Variants in SLC6A3 observed in about 807,000 individuals in gnomAD.
The protein encoded by SLC6A3 is solute carrier family 6 member 3, also known as sodium-dependent dopamine transporter.
In SLC6A3, 19 loss-of-function variants were observed where a neutral mutation model predicts 70.4. That is an observed-to-expected ratio of 0.27 (90% confidence interval 0.19 to 0.40). The LOEUF (loss-of-function observed/expected upper bound fraction) is 0.40, where lower values mean the gene tolerates loss of function less well. SLC6A3 is among the 10% of genes least tolerant of loss of function. The probability of loss-of-function intolerance (pLI) is 1.00; values close to 1 mark genes in which losing one functional copy is unlikely to be tolerated. For synonymous variants in SLC6A3, 368 were observed against 356.6 expected (o/e 1.03, Z -0.36); for missense variants, 613 against 838.5 (o/e 0.73, Z 3.32).
At position 1,442,782 on chromosome 5, in the gene SLC6A3, A is replaced by C; in HGVS notation, c.286+130T>G. The C allele has an allele frequency of 1.1e-6, 1 of 922,714 alleles. No individual in the cohort carries two copies. The highest frequency in any genetic ancestry group is 1.3e-5 in the South Asian group (1 of 74,748). The allele number at this position is 922,714 out of a possible 1,614,324, so 57.2% of individuals were successfully genotyped here. A position where few individuals can be genotyped will look rare whatever the true frequency, so the allele number is the denominator to read the frequency against. On this transcript the variant is annotated intron_variant, in intron 2 of 14. Transcript: ENST00000270349. The surrounding 1 kb of genome is among the most constrained non-coding windows in gnomAD (Gnocchi z 5.0). The stretch of plus-strand genomic sequence containing the variant: ...TCTGGGAGGATCTGCACCGGCCGTG[A>C]GCTCTCACAGGGAGCTCCGTCTTCA...
intron 1 of SLC6A3, among the ~76,000 whole-genome samples, chr5:1,443,859 TTG>T (rs1733739434): frequency 2.1e-5 from 3 of 143,982 alleles, no homozygotes; most frequent in East Asian, 2.0e-4. Context: ...TGTTTTTTTG[TTG>T]TTGTTGTTGT....
At chr5:1,409,978 C>A (rs895830479) in intron 9 of SLC6A3, 129 bp from the exon 10 acceptor site, 10 of 1,202,112 alleles carry the variant, frequency 8.3e-6, no homozygotes, top group African/African-American at 1.5e-5. Flanking sequence ...ACATGGCCGT[C>A]CAGGGTGCAG....
chr5:1,433,020 C>G (rs957524420), intron 3 of SLC6A3, among the ~76,000 whole-genome samples: 2 of 151,876 alleles, frequency 1.3e-5, no homozygotes, highest in South Asian at 4.2e-4. Context: ...CCAGGGCCAC[C>G]CTTATGCACC....
chr5:1,420,639 G>T lies in SLC6A3; in HGVS notation c.857C>A (p.Thr286Asn). 6.2e-7 allele frequency: 1 copy of T among 1,613,714 alleles called. No homozygotes were observed. The highest frequency in any genetic ancestry group is 8.5e-7 in the Non-Finnish European group (1 of 1,179,996). ...GATGCCGTCTATGGCTCCAGGGAGG[G>T]TGACCCCACGCAGGAGCAGGGCAGT... ...VLTALLLRGV[T>N]LPGAIDGIRA... The change falls in exon 6 of 15, where the codon ACC becomes AAC. Residue 286 changes from threonine (T) to asparagine (N), a missense_variant. By Grantham distance (65) the Thr-to-Asn change is moderately conservative. Transcript: ENST00000270349.
At chr5:1,432,397 A>T (rs1756724056) in intron 4 of SLC6A3, 67 bp downstream of exon 4, 1 of 1,244,280 alleles carries the variant, frequency 8.0e-7, no homozygotes, top group Non-Finnish European at 1.2e-6. Context: ...GTGTCCAACC[A>T]AGGGGCTACC....
chr5:1,409,627 G>C lies in SLC6A3; in HGVS notation c.1398+94C>G. Reference sequence around the variant, plus strand: ...TTCGCAGCTCCCTGGAAGTGCTGCGGTTCTGTCTGGCCTGACAGTCCCAGC... The same window carrying C: ...TTCGCAGCTCCCTGGAAGTGCTGCGCTTCTGTCTGGCCTGACAGTCCCAGC... On this transcript the variant is annotated intron_variant, in intron 10 of 14. Transcript: ENST00000270349. The C allele has an allele frequency of 5.4e-6, 8 of 1,476,382 alleles. 1 individual carries two copies. The Middle Eastern group carries it at 1.2e-3, about 224-fold the overall frequency. 91.5% of individuals were successfully genotyped at this position (1,476,382 alleles called of 1,614,324 possible). A position where few individuals can be genotyped will look rare whatever the true frequency, so the allele number is the denominator to read the frequency against.
At position 1,422,685 on chromosome 5, in the gene SLC6A3, G is replaced by C. The variant is rs183752619; in HGVS notation, c.654-671C>G. On this transcript the variant is annotated intron_variant, in intron 4 of 14. Coordinates refer to ENST00000270349, the MANE Select transcript of SLC6A3 (RefSeq NM_001044.5). Reference sequence around the variant, plus strand: ...CCACCGCTGCCCAGTGCTGCCCATGGTGCTGGGTGCCCACCACTGCCCACA... The same window carrying C: ...CCACCGCTGCCCAGTGCTGCCCATGCTGCTGGGTGCCCACCACTGCCCACA... 3.4e-4 allele frequency among the ~76,000 whole-genome samples: 12 copies of C among 35,360 alleles called. 3 individuals are homozygous for C. Among genetic ancestry groups the C allele is most frequent in the African/African-American group, 1.4e-3 (8 of 5,920 alleles). The allele number at this position is 35,360 out of a possible 152,430, so 23.2% of individuals were successfully genotyped here.
At chr5:1,419,552 A>T (rs542924861) in intron 6 of SLC6A3, among the ~76,000 whole-genome samples, 14 of 152,284 alleles carry the variant, frequency 9.2e-5, no homozygotes, top group African/African-American at 3.4e-4. Flanking sequence ...GTAACATGCC[A>T]TGGTCCTGCA....
In SLC6A3 at chr5:1,406,319, T is replaced by A. The variant is rs1755977611; in HGVS notation, c.1499-31A>T. 6.4e-7 allele frequency: 1 copy of A among 1,572,724 alleles called. No homozygotes were observed. The highest frequency in any genetic ancestry group is 8.7e-7 in the Non-Finnish European group (1 of 1,143,384). On this transcript the variant is annotated intron_variant, in intron 11 of 14. Transcript: ENST00000270349. The surrounding 1 kb of genome is among the most constrained non-coding windows in gnomAD (Gnocchi z 8.8). ...GGAGAAGAGGTGGCATCAGTGTCCA[T>A]CAGGGCAGCGCATTCCCCCGATGCT...
Position 1,421,087 on chromosome 5 carries a change from G to T in SLC6A3, c.793-384C>A, listed in dbSNP as rs980625598. On this transcript the variant is annotated intron_variant, in intron 5 of 14. Transcript: ENST00000270349. The surrounding 1 kb of genome is among the most constrained non-coding windows in gnomAD (Gnocchi z 7.2). ...GCTCTGGGCTGTGTCCCTGCGGGAG[G>T]CTCCCGTGGCTGGTGCCATACTACA... is the stretch of plus-strand genomic sequence containing the variant. Among the ~76,000 whole-genome samples, 1 of 152,142 alleles carries T rather than the reference G, an allele frequency of 6.6e-6. No individual in the cohort carries two copies.
At chr5:1,444,262 TGAGCAGGA>T (rs1472666957) in intron 1 of SLC6A3, among the ~76,000 whole-genome samples, 1 of 152,062 alleles carries the variant, frequency 6.6e-6, no homozygotes, top group Admixed American at 6.5e-5. Flanking sequence ...CCTGCAACGC[TGAGCAGGA>T]GAGCAGGAGC....
In SLC6A3 at chr5:1,411,409, C is replaced by T; in HGVS notation, c.1157-54G>A. 2 of 1,315,182 alleles carry T rather than the reference C, an allele frequency of 1.5e-6. No homozygotes were observed. The highest frequency in any genetic ancestry group is 2.3e-4 in the Middle Eastern group (1 of 4,370). The allele number at this position is 1,315,182 out of a possible 1,614,324, so 81.5% of individuals were successfully genotyped here. On this transcript the variant is annotated intron_variant, in intron 8 of 14. Transcript: ENST00000270349. The surrounding 1 kb of genome is among the most constrained non-coding windows in gnomAD (Gnocchi z 6.5). ...AGAGCCCACGCTGTGCTCTCCCGCC[C>T]ATCCTGCCCCACCCCGCCCCGAGAA...
chr5:1,406,988 C>T lies in SLC6A3; in HGVS notation c.1499-700G>A, dbSNP rs542865954. ...TCAGCATTCCCTTTTGTTTTAAGGC[C>T]GAATCATATTCCGTCATGAGTATAC... is the stretch of plus-strand genomic sequence containing the variant. On this transcript the variant is annotated intron_variant, in intron 11 of 14. Transcript: ENST00000270349. The surrounding 1 kb of genome is among the most constrained non-coding windows in gnomAD (Gnocchi z 8.8). Among the ~76,000 whole-genome samples, 6 of 152,240 alleles carry T rather than the reference C, an allele frequency of 3.9e-5. No homozygotes were observed. The highest frequency in any genetic ancestry group is 1.9e-4 in the East Asian group (1 of 5,180).
Position 1,401,383 on chromosome 5 carries a change from T to G in SLC6A3, c.1768-397A>C, listed in dbSNP as rs912603861. 2.3e-6 allele frequency: 1 copy of G among 435,982 alleles called. No homozygotes were observed. Among genetic ancestry groups the G allele is most frequent in the Non-Finnish European group, 4.5e-6 (1 of 222,770 alleles). 27.0% of individuals were successfully genotyped at this position (435,982 alleles called of 1,614,324 possible). A position where few individuals can be genotyped will look rare whatever the true frequency, so the allele number is the denominator to read the frequency against. On this transcript the variant is annotated intron_variant, in intron 13 of 14. Coordinates refer to ENST00000270349, the MANE Select transcript of SLC6A3 (RefSeq NM_001044.5). The surrounding 1 kb of genome is among the most constrained non-coding windows in gnomAD (Gnocchi z 6.1). The stretch of plus-strand genomic sequence containing the variant: ...GGGCTGCCTCGGGGCCACCTGCAGC[T>G]GACATATTCCGGGAGCACTTGCTTT...
chr5:1,428,739 C>T (rs574389590), intron 4 of SLC6A3, among the ~76,000 whole-genome samples: 5 of 152,268 alleles, frequency 3.3e-5, no homozygotes, highest in South Asian at 2.1e-4. Context: ...GCACTGCACA[C>T]GGCATTCATG....
intron 6 of SLC6A3, among the ~76,000 whole-genome samples, chr5:1,420,020 C>T (rs1321503335): frequency 1.3e-5 from 2 of 152,238 alleles, no homozygotes; most frequent in Non-Finnish European, 2.9e-5. Context: ...TCTCAACGGC[C>T]TCCTGCCTCA....
In SLC6A3 at chr5:1,408,037, G is replaced by C. The variant is rs571059547; in HGVS notation, c.1498+989C>G. On this transcript the variant is annotated intron_variant, in intron 11 of 14. Coordinates refer to ENST00000270349, the MANE Select transcript of SLC6A3 (RefSeq NM_001044.5). The surrounding 1 kb of genome is among the most constrained non-coding windows in gnomAD (Gnocchi z 6.4). ...CTTTTTTGAGACGGAGTCTCACTCTGTTGCCCAGGCTGGAGTGCAGTGGTG... is the reference window on the plus strand; with the variant it reads ...CTTTTTTGAGACGGAGTCTCACTCTCTTGCCCAGGCTGGAGTGCAGTGGTG... Among the ~76,000 whole-genome samples the C allele has an allele frequency of 6.6e-6, 1 of 151,712 alleles. No homozygotes were observed. The highest frequency in any genetic ancestry group is 2.4e-5 in the African/African-American group (1 of 41,348).
chr5:1,414,019 G>A (rs1472046462), intron 8 of SLC6A3, among the ~76,000 whole-genome samples: 5 of 152,174 alleles, frequency 3.3e-5, no homozygotes, highest in Admixed American at 1.3e-4. Context: ...AACTCCAGGC[G>A]TGCAGGGACA....
At chr5:1,420,769 C>T (rs1181998948) in intron 5 of SLC6A3, 66 bp from the exon 6 acceptor site, 2 of 1,583,000 alleles carry the variant, frequency 1.3e-6, no homozygotes, top group East Asian at 2.2e-5. Flanking sequence ...GACACTGGCA[C>T]AAGGGCACCG....
Sources: allele counts gnomAD v4.1 joint callset (sites outside exome capture counted in the v4.1 genomes callset), GRCh38; gene constraint gnomAD v4.1.1; non-coding constraint Gnocchi (gnomAD v3.1); transcripts MANE v1.5; gene names NCBI Gene and HGNC (gene_info 2026-07-23, HGNC 2026-07-21).